The following MYOM2 variants were observed in gnomAD, a reference collection of about 807,000 sequenced individuals.
MYOM2 encodes myomesin 2.
A neutral mutation model predicts 187.6 loss-of-function variants in MYOM2; 254 were observed. The observed-to-expected ratio is 1.35, with a 90% CI of 1.22 to 1.50. The LOEUF is 1.50. Ranked by LOEUF, MYOM2 falls within the 40% of genes most tolerant of loss-of-function variation. MYOM2 has a pLI of 0.00. For missense variants in MYOM2, 2,796 were observed against 1,924.0 expected, an observed-to-expected ratio of 1.45 and a Z score of -8.48; for synonymous variants, 981 against 753.8, an observed-to-expected ratio of 1.30 and a Z score of -4.94.
In MYOM2 at chr8:2,117,921, CG is replaced by C. The variant is rs1563067494; in HGVS notation, c.3424del (p.Glu1142LysfsTer61). 8 of 1,613,178 alleles carry C rather than the reference CG, an allele frequency of 5.0e-6. No homozygotes were observed. The highest frequency in any genetic ancestry group is 6.8e-6 in the Non-Finnish European group (8 of 1,179,600). ...HFAEYLHWDV[T>X]EECEVRLVCK... ...GCTGAGTACTTGCACTGGGATGTCA[CG>C]GAAGAATGTGAAGTTCGACTTGTTT... On this transcript the variant is annotated frameshift_variant, in exon 28 of 37. Coordinates refer to ENST00000262113, the MANE Select transcript of MYOM2 (RefSeq NM_003970.4). LOFTEE classifies it high-confidence loss of function.
Position 2,069,364 on chromosome 8 carries a change from G to C in MYOM2, c.740G>C (p.Arg247Thr). 1 of 1,614,032 alleles carries C rather than the reference G, an allele frequency of 6.2e-7. No individual in the cohort carries two copies. ...TCCACCAACGCGGCGGTGGTGGTGA[G>C]AAGTGAGTGCCGGGTGGGCTTTCAC... ...QVSTNAAVVV[R>T]RFRGDEEPFR... Residue 247 changes from arginine to threonine, a missense_variant and splice_region_variant, in exon 7 of 37, where the codon AGA becomes ACA. Transcript: ENST00000262113.
chr8:2,092,313 C>T, intron 15 of MYOM2, 33 bp from the exon 16 acceptor site: 1 of 1,606,768 alleles, frequency 6.2e-7, no homozygotes, highest in Non-Finnish European at 8.5e-7. Context: ...GCTCTGATGC[C>T]ATTTCACCAC....
chr8:2,144,506 C>G (rs1798386432), intron 36 of MYOM2, among the ~76,000 whole-genome samples, 158 bp from the exon 37 acceptor site: 1 of 152,186 alleles, frequency 6.6e-6, no homozygotes, highest in Non-Finnish European at 1.5e-5. Context: ...CCTGCTCTGT[C>G]CAGAGCGGCG....
rs558120459 is a variant in MYOM2 at position 2,096,724 on chromosome 8, C to G, written c.2313+290C>G. ...GGTCCCAGTACCTGTGGTAATGTCC[C>G]TTGTTCTAGGCTCTGAGGCCTTGAG... On this transcript the variant is annotated intron_variant, in intron 18 of 36. Transcript: ENST00000262113. Among the ~76,000 whole-genome samples, 25 of 152,296 alleles carry G rather than the reference C, an allele frequency of 1.6e-4. No homozygotes were observed. The Middle Eastern group carries it at 0.01, about 62-fold the overall frequency.
At chr8:2,113,320 C>G (rs1376494087) in intron 25 of MYOM2, among the ~76,000 whole-genome samples, 3 of 152,218 alleles carry the variant, frequency 2.0e-5, no homozygotes, top group Non-Finnish European at 4.4e-5. Flanking sequence ...CTGTATCATC[C>G]AGGTGGAGTA....
At chr8:2,118,571 C>T (rs946665568) in intron 28 of MYOM2, among the ~76,000 whole-genome samples, 5 of 152,184 alleles carry the variant, frequency 3.3e-5, no homozygotes, top group Non-Finnish European at 5.9e-5. Flanking sequence ...TCGTGAGCTG[C>T]GTGTGCCAAG....
At chr8:2,095,599 A>G (rs1163042426) in intron 17 of MYOM2, among the ~76,000 whole-genome samples, 2 of 152,054 alleles carry the variant, frequency 1.3e-5, no homozygotes, top group African/African-American at 4.8e-5. Flanking sequence ...GCCTGTTTTT[A>G]TTCTATGATA....
In MYOM2 at chr8:2,123,342, A is replaced by T; in HGVS notation, c.3544A>T (p.Ile1182Phe). 2 of 1,613,016 alleles carry T rather than the reference A, an allele frequency of 1.2e-6. No individual in the cohort carries two copies. The highest frequency in any genetic ancestry group is 1.7e-6 in the Non-Finnish European group (2 of 1,179,440). ...GACACTGCCTAACCTGGAGAGGGGA[A>T]TCTGTGAGCTCCTCATCCCAAAGGT... ...TETLPNLERGICELLIPKLSK... is the reference protein window; with the variant it reads ...TETLPNLERGFCELLIPKLSK... The change falls in exon 29 of 37, where the codon ATC becomes TTC. Residue 1182 changes from isoleucine to phenylalanine, a missense_variant. Ile to Phe is a conservative substitution (Grantham distance 21). Coordinates refer to ENST00000262113, the MANE Select transcript of MYOM2 (RefSeq NM_003970.4).
At chr8:2,100,724 A>C in intron 19 of MYOM2, 152 bp from the exon 20 acceptor site, 2 of 735,530 alleles carry the variant, frequency 2.7e-6, no homozygotes, top group Admixed American at 2.4e-5. Flanking sequence ...CTGCTCTGCA[A>C]GAGAGGCTGA....
Position 2,145,101 on chromosome 8 carries a change from A to T in MYOM2, c.*120A>T. 9.2e-7 allele frequency: 1 copy of T among 1,085,500 alleles called. No individual in the cohort carries two copies. Among genetic ancestry groups the T allele is most frequent in the East Asian group, 2.6e-5 (1 of 38,778 alleles). 67.2% of individuals were successfully genotyped at this position (1,085,500 alleles called of 1,614,324 possible). A position where few individuals can be genotyped will look rare whatever the true frequency, so the allele number is the denominator to read the frequency against. ...GTCCTGTGTGGGCTGATAGTTGATCACACATTGTGCTTTTGATTTTTGCAT... is the reference window on the plus strand; with the variant it reads ...GTCCTGTGTGGGCTGATAGTTGATCTCACATTGTGCTTTTGATTTTTGCAT... On this transcript the variant is annotated 3_prime_UTR_variant, in exon 37 of 37. Coordinates refer to ENST00000262113, the MANE Select transcript of MYOM2 (RefSeq NM_003970.4).
intron 25 of MYOM2, among the ~76,000 whole-genome samples, chr8:2,112,536 G>C (rs1329454912): frequency 4.6e-5 from 7 of 152,138 alleles, no homozygotes; most frequent in African/African-American, 1.7e-4. Flanking sequence ...GTTTGCCTGA[G>C]TGATCTTAGG....
intron 27 of MYOM2, 86 bp downstream of exon 27, chr8:2,116,361 G>C: frequency 3.0e-6 from 4 of 1,325,138 alleles, no homozygotes; most frequent in Non-Finnish European, 4.2e-6. Context: ...GATCTTGCAT[G>C]ATCCCAAGCA....
chr8:2,123,098 GAC>G (rs1797512571), intron 28 of MYOM2, among the ~76,000 whole-genome samples, 152 bp from the exon 29 acceptor site: 1 of 152,140 alleles, frequency 6.6e-6, no homozygotes, highest in Non-Finnish European at 1.5e-5. Context: ...TATTGGGAGC[GAC>G]AGCTTTTCCA....
intron 35 of MYOM2, 45 bp downstream of exon 35, chr8:2,142,442 G>T (rs771714031): frequency 1.2e-6 from 2 of 1,604,330 alleles, no homozygotes; most frequent in South Asian, 2.2e-5. Context: ...ATTATTTGGG[G>T]TGGGGCAAAA....
chr8:2,138,506 A>C (rs3779817), intron 32 of MYOM2, among the ~76,000 whole-genome samples: 118,388 of 152,190 alleles, frequency 0.78, 46,571 homozygotes, highest in African/African-American at 0.91. Flanking sequence ...GGAGGGGCAG[A>C]TTATGGGAAA....
rs186871148 is a variant in MYOM2 at position 2,059,794 on chromosome 8, G to C, written c.653+549G>C. 2.4e-3 allele frequency among the ~76,000 whole-genome samples: 358 copies of C among 147,832 alleles called. 3 individuals are homozygous for C. The highest frequency in any genetic ancestry group is 8.3e-3 in the African/African-American group (331 of 39,854). On this transcript the variant is annotated intron_variant, in intron 6 of 36. Transcript: ENST00000262113. ...TTTCGCTCTTGTTGCCCAGGCTGGA[G>C]TGCAATGGCATGGTCTCGGCTCACC...
chr8:2,116,203 A>G lies in MYOM2; in HGVS notation c.3326-13A>G, dbSNP rs1797239044. 2 of 1,597,922 alleles carry G rather than the reference A, an allele frequency of 1.3e-6. No homozygotes were observed. On this transcript the variant is annotated splice_polypyrimidine_tract_variant and intron_variant, in intron 26 of 36. Coordinates refer to ENST00000262113, the MANE Select transcript of MYOM2 (RefSeq NM_003970.4). ...ACATGTTTCATATATATTTTTTTAAATATTGAATTTAGCATTCAAGACTGT... is the reference window on the plus strand; with the variant it reads ...ACATGTTTCATATATATTTTTTTAAGTATTGAATTTAGCATTCAAGACTGT...
At chr8:2,133,269 A>G (rs3824172) in intron 32 of MYOM2, among the ~76,000 whole-genome samples, 56,488 of 152,056 alleles carry the variant, frequency 0.37, 10,889 homozygotes, top group Non-Finnish European at 0.43. Flanking sequence ...CTAGAAGCAA[A>G]TATTTCCTAG....
rs2116728863 is a variant in MYOM2 at position 2,090,112 on chromosome 8, C to A, written c.1749C>A (p.Phe583Leu). The change falls in exon 15 of 37, where the codon TTC (phenylalanine) becomes TTA (leucine). Residue 583 changes from phenylalanine (F) to leucine (L), a missense_variant. By Grantham distance (22) the Phe-to-Leu change is conservative. Transcript: ENST00000262113. ...FDLMEGKSYV[F>L]RVLSANRHGL... is the part of the protein sequence containing the mutation. ...TCATGGAAGGGAAGTCTTATGTGTTCCGAGTGCTGTCAGCAAACCGGCATG... is the reference window on the plus strand; with the variant it reads ...TCATGGAAGGGAAGTCTTATGTGTTACGAGTGCTGTCAGCAAACCGGCATG... 1 of 1,614,050 alleles carries A rather than the reference C, an allele frequency of 6.2e-7. No homozygotes were observed. Among genetic ancestry groups the A allele is most frequent in the African/African-American group, 1.3e-5 (1 of 74,998 alleles).
Sources: gnomAD v4.1 joint callset for allele counts (sites outside exome capture counted in the v4.1 genomes callset) on GRCh38, gnomAD v4.1.1 for gene constraint, MANE v1.5 for transcripts, NCBI Gene and HGNC (gene_info 2026-07-23, HGNC 2026-07-21) for gene names.